Variants in PTTG1 observed in about 807,000 individuals in gnomAD.
PTTG1 encodes securin.
Under a neutral mutation model 20.0 loss-of-function variants are expected in PTTG1, and 8 were observed. The ratio of observed to expected loss-of-function variants is 0.40; its 90% confidence interval spans 0.23 to 0.72. The LOEUF is 0.72. Ranked by LOEUF, PTTG1 falls within the 30% of genes least tolerant of loss-of-function variation. The pLI is 0.38. For synonymous variants in PTTG1, 79 were observed against 87.2 expected, an observed-to-expected ratio of 0.91 and a Z score of 0.52; for missense variants, 197 against 236.0, an observed-to-expected ratio of 0.83 and a Z score of 1.08.
chr5:160,422,984 C>T (rs2910200), intron 3 of PTTG1, 91 bp downstream of exon 3: 363,332 of 1,351,732 alleles, frequency 0.27, 51,136 homozygotes, highest in Admixed American at 0.36. Context: ...AGCTTTCTTC[C>T]CTCTGAGTAG....
intron 1 of PTTG1, 52 bp downstream of exon 1, chr5:160,421,943 A>G (rs1481463743): frequency 1.0e-5 from 2 of 191,664 alleles, no homozygotes; most frequent in Non-Finnish European, 2.2e-5. Context: ...TCCGGCGGGG[A>G]AGGAGGCGGG....
At chr5:160,423,950 A>G (rs1361421998) in intron 3 of PTTG1, among the ~76,000 whole-genome samples, 1 of 152,148 alleles carries the variant, frequency 6.6e-6, no homozygotes, top group Admixed American at 6.5e-5. Flanking sequence ...ATTCATGCCC[A>G]TTTTCTCCTC....
At chr5:160,427,296 G>A (rs187930864) in intron 4 of PTTG1, among the ~76,000 whole-genome samples, 135 of 152,202 alleles carry the variant, frequency 8.9e-4, no homozygotes, top group African/African-American at 3.2e-3. Context: ...CCTTTTAATC[G>A]TATTTTGGTG....
chr5:160,426,086 C>G (rs948248521), intron 4 of PTTG1, among the ~76,000 whole-genome samples: 4 of 151,852 alleles, frequency 2.6e-5, no homozygotes, highest in Non-Finnish European at 5.9e-5. Context: ...TTTTAAAGAC[C>G]CTTTTACACT....
At chr5:160,427,558 A>G (rs923266042) in intron 4 of PTTG1, among the ~76,000 whole-genome samples, 157 bp from the exon 5 acceptor site, 1 of 152,224 alleles carries the variant, frequency 6.6e-6, no homozygotes, top group Non-Finnish European at 1.5e-5. Context: ...CCTTGGTACC[A>G]TCATTACAAA....
At position 160,427,778 on chromosome 5, in the gene PTTG1, C is replaced by T. The variant is rs1765836773; in HGVS notation, c.434C>T (p.Pro145Leu). 3 of 1,614,030 alleles carry T rather than the reference C, an allele frequency of 1.9e-6. No individual in the cohort carries two copies. In the Admixed American group the frequency reaches 5.0e-5, roughly 27 times the overall value. Residue 145 changes from proline (P) to leucine (L), a missense_variant, in exon 5 of 6, where the codon CCT (proline) becomes CTT (leucine). Transcript: ENST00000352433. The part of the protein sequence containing the change: ...QIAHLPLSGV[P>L]LMILDEEREL... ...GCGCACCTCCCCTTGAGTGGAGTGC[C>T]TCTCATGATCCTTGACGAGGAGAGA...
At chr5:160,426,274 T>G (rs535589310) in intron 4 of PTTG1, among the ~76,000 whole-genome samples, 1 of 152,368 alleles carries the variant, frequency 6.6e-6, no homozygotes, top group South Asian at 2.1e-4. Context: ...ATGGCATGGT[T>G]TATATTTTTG....
chr5:160,422,533 TAATG>T (rs1055972548), intron 2 of PTTG1, 130 bp downstream of exon 2: 1 of 978,314 alleles, frequency 1.0e-6, no homozygotes, highest in African/African-American at 1.6e-5. Context: ...TTTAATATCT[TAATG>T]AGATGATTTA....
In PTTG1 at chr5:160,422,771, GC is replaced by G. The variant is rs1765739390; in HGVS notation, c.158del (p.Pro53HisfsTer23). On this transcript the variant is annotated frameshift_variant, in exon 3 of 6. Coordinates refer to ENST00000352433, the MANE Select transcript of PTTG1 (RefSeq NM_004219.4). LOFTEE classifies it high-confidence loss of function. ...ACCACGTTTTGGCAAAACGTTCGAT[GC>G]CCCACCAGCCTTACCTAAAGCTACT... Reference protein sequence around the residue: ...STPRFGKTFDAPPALPKATRK... With the variant: ...STPRFGKTFDXPPALPKATRK... 1 of 1,614,038 alleles carries G rather than the reference GC, an allele frequency of 6.2e-7. No homozygotes were observed. Among genetic ancestry groups the G allele is most frequent in the Non-Finnish European group, 8.5e-7 (1 of 1,180,032 alleles).
chr5:160,425,762 G>C (rs200699132), intron 4 of PTTG1, among the ~76,000 whole-genome samples: 11,799 of 152,040 alleles, frequency 0.078, 1,167 homozygotes, highest in East Asian at 0.22. Flanking sequence ...CAATTCAGTG[G>C]TTTTAAGTTA....
intron 3 of PTTG1, 71 bp from the exon 4 acceptor site, chr5:160,424,166 A>G (rs909037285): frequency 3.5e-6 from 4 of 1,135,626 alleles, no homozygotes; most frequent in Admixed American, 2.3e-5. Context: ...CATGAAATTG[A>G]CAAATTTAAA....
At chr5:160,425,101 C>T (rs969841229) in intron 4 of PTTG1, among the ~76,000 whole-genome samples, 2 of 152,146 alleles carry the variant, frequency 1.3e-5, no homozygotes, top group African/African-American at 4.8e-5. Flanking sequence ...GAGGGCCTTA[C>T]GGATTTCTGA....
At chr5:160,425,599 CAT>C (rs1397567203) in intron 4 of PTTG1, among the ~76,000 whole-genome samples, 4 of 152,148 alleles carry the variant, frequency 2.6e-5, no homozygotes, top group Admixed American at 2.6e-4. Context: ...GTATGGTGAA[CAT>C]ATTTGATTAT....
chr5:160,423,510 A>G (rs1385780736), intron 3 of PTTG1, among the ~76,000 whole-genome samples: 1 of 152,276 alleles, frequency 6.6e-6, no homozygotes, highest in African/African-American at 2.4e-5. Flanking sequence ...AGTGAATTAC[A>G]TATAGTGCAA....
chr5:160,424,388 C>A, intron 4 of PTTG1, 58 bp downstream of exon 4: 1 of 1,232,176 alleles, frequency 8.1e-7, no homozygotes, highest in African/African-American at 1.5e-5. Flanking sequence ...TAGTATTCAG[C>A]TCAGCTGTAA....
At chr5:160,427,665 C>T (rs746768985) in intron 4 of PTTG1, 50 bp from the exon 5 acceptor site, 2 of 1,586,520 alleles carry the variant, frequency 1.3e-6, no homozygotes, top group East Asian at 2.2e-5. Context: ...GGATCTACAG[C>T]CCACACTAAG....
rs77959159 is a variant in PTTG1, at chr5:160,423,593, A to G, written c.277-644A>G. On this transcript the variant is annotated intron_variant, in intron 3 of 5. Transcript: ENST00000352433. ...AATATTAAATACAGGAATTGCAAAGACATGGCAAAAACAATGAGACACAGA... is the reference window on the plus strand; with the variant it reads ...AATATTAAATACAGGAATTGCAAAGGCATGGCAAAAACAATGAGACACAGA... 0.015 allele frequency among the ~76,000 whole-genome samples: 2,306 copies of G among 152,372 alleles called. 144 individuals are homozygous for G. The East Asian group carries it at 0.2, about 13-fold the overall frequency.
chr5:160,427,167 T>C (rs1765823373), intron 4 of PTTG1, among the ~76,000 whole-genome samples: 1 of 152,240 alleles, frequency 6.6e-6, no homozygotes, highest in African/African-American at 2.4e-5. Context: ...AGAAAAAGTG[T>C]GACAAGCACC....
At chr5:160,428,309 G>A (rs1765846743) in intron 5 of PTTG1, among the ~76,000 whole-genome samples, 1 of 152,192 alleles carries the variant, frequency 6.6e-6, no homozygotes, top group Non-Finnish European at 1.5e-5. Flanking sequence ...TATGTTTTCT[G>A]TTTGTTCTGA....
Sources: allele counts gnomAD v4.1 joint callset (sites outside exome capture counted in the v4.1 genomes callset), GRCh38; gene constraint gnomAD v4.1.1; transcripts MANE v1.5; gene names NCBI Gene and HGNC (gene_info 2026-07-23, HGNC 2026-07-21).